Variants in PSIP1 observed in about 807,000 individuals in gnomAD.
PSIP1 encodes PC4 and SRSF1 interacting protein 1.
A neutral mutation model predicts 74.7 loss-of-function variants in PSIP1; 19 were observed. The observed-to-expected ratio is 0.25, with a 90% confidence interval of 0.18 to 0.37. The LOEUF (loss-of-function observed/expected upper bound fraction) is 0.37. PSIP1 is among the 10% of genes least tolerant of loss of function. PSIP1 has a pLI of 1.00. For missense variants in PSIP1, 601 were observed against 614.3 expected (o/e 0.98, Z 0.23); for synonymous variants, 222 against 195.3 (o/e 1.14, Z -1.14).
In PSIP1 at chr9:15,474,214, T is replaced by C. The variant is rs1350927947; in HGVS notation, c.653A>G (p.Lys218Arg). 1.2e-6 allele frequency: 2 copies of C among 1,612,484 alleles called. No homozygotes were observed. The highest frequency in any genetic ancestry group is 1.7e-6 in the Non-Finnish European group (2 of 1,179,612). ...TTGTTTTTCCTCTTGCCCCTTTTTCTTACTTTTGTCCTCTTCAGTAATGCT... is the reference window on the plus strand; with the variant it reads ...TTGTTTTTCCTCTTGCCCCTTTTTCCTACTTTTGTCCTCTTCAGTAATGCT... ...SDIITEEDKS[K>R]KKGQEEKQPK... The change falls in exon 9 of 16, where the codon AAG (lysine) becomes AGG (arginine). Residue 218 changes from lysine (K) to arginine (R), a missense_variant. By Grantham distance (26) the Lys-to-Arg change is conservative. Transcript: ENST00000380733.
At chr9:15,488,304 C>T (rs565856184) in intron 4 of PSIP1, among the ~76,000 whole-genome samples, 14 of 152,160 alleles carry the variant, frequency 9.2e-5, no homozygotes, top group Admixed American at 5.9e-4. Flanking sequence ...GCACTCCAGC[C>T]GGGGTGACAG....
At chr9:15,473,137 T>C (rs566857734) in intron 9 of PSIP1, among the ~76,000 whole-genome samples, 18 of 152,310 alleles carry the variant, frequency 1.2e-4, no homozygotes, top group African/African-American at 4.1e-4. Flanking sequence ...AACAAAAGAT[T>C]TGCATGACCT....
In PSIP1 at chr9:15,465,233, C is replaced by T. The variant is rs2035537909; in HGVS notation, c.*287G>A. The T allele has an allele frequency of 8.8e-6, 3 of 340,096 alleles. No homozygotes were observed. The South Asian group carries it at 2.1e-4, about 24-fold the overall frequency. The allele number at this position is 340,096 out of a possible 1,614,324, so 21.1% of individuals were successfully genotyped here. A position where few individuals can be genotyped will look rare whatever the true frequency, so the allele number is the denominator to read the frequency against. On this transcript the variant is annotated 3_prime_UTR_variant, in exon 16 of 16. Transcript: ENST00000380733. Reference sequence around the variant, plus strand: ...TGTTCTACTATCAATTACACATTAACATACACACACTAATTGAAAATATGC... The same window carrying T: ...TGTTCTACTATCAATTACACATTAATATACACACACTAATTGAAAATATGC...
At chr9:15,487,602 C>CA (rs1347066861) in intron 4 of PSIP1, among the ~76,000 whole-genome samples, 4 of 151,832 alleles carry the variant, frequency 2.6e-5, no homozygotes, top group East Asian at 1.9e-4. Context: ...ATGCTGTCTC[C>CA]AAAAAAACAA....
At chr9:15,505,507 G>T (rs2037545432) in intron 3 of PSIP1, 1 of 152,184 alleles carries the variant, frequency 6.6e-6, no homozygotes, top group South Asian at 2.1e-4. Context: ...ATCCAAAGTT[G>T]TATTTTTTTA....
chr9:15,496,511 G>C (rs1256138487), intron 3 of PSIP1, among the ~76,000 whole-genome samples: 1 of 152,126 alleles, frequency 6.6e-6, no homozygotes, highest in Non-Finnish European at 1.5e-5. Context: ...AAAATGTAAT[G>C]TTTACATTTA....
In PSIP1 at chr9:15,468,402, A is replaced by T. The variant is rs759481201; in HGVS notation, c.1420+228T>A. On this transcript the variant is annotated intron_variant, in intron 14 of 15. Transcript: ENST00000380733. The stretch of plus-strand genomic sequence containing the variant: ...TTTATCCAGAGTCATCTGCCTCATG[A>T]GCAATGGTTTCTGCCTTAGAAGTCG... The T allele has an allele frequency of 7.2e-6, 5 of 690,480 alleles. No homozygotes were observed. The East Asian group carries it at 1.1e-4, about 15-fold the overall frequency. 42.8% of individuals were successfully genotyped at this position (690,480 alleles called of 1,614,324 possible).
chr9:15,479,448 T>C (rs563748221), intron 7 of PSIP1, 143 bp downstream of exon 7: 139 of 550,834 alleles, frequency 2.5e-4, no homozygotes, highest in African/African-American at 2.1e-3. Flanking sequence ...GCACAAATCA[T>C]GTTTATCTCC....
At position 15,479,514 on chromosome 9, in the gene PSIP1, T is replaced by C. The variant is rs372055853; in HGVS notation, c.553+77A>G. The C allele has an allele frequency of 1.8e-5, 21 of 1,146,320 alleles. No homozygotes were observed. In the East Asian group the frequency reaches 4.0e-4, roughly 22 times the overall value. The allele number at this position is 1,146,320 out of a possible 1,614,324, so 71.0% of individuals were successfully genotyped here. A position where few individuals can be genotyped will look rare whatever the true frequency, so the allele number is the denominator to read the frequency against. On this transcript the variant is annotated intron_variant, in intron 7 of 15. Coordinates refer to ENST00000380733, the MANE Select transcript of PSIP1 (RefSeq NM_033222.5). The stretch of plus-strand genomic sequence containing the variant: ...TGCCTATTTGCTTCATTCCAAAATA[T>C]TTGAGGCAGCAACACTTTAAATGGA...
chr9:15,464,560 A>C lies in PSIP1; in HGVS notation c.*960T>G, dbSNP rs1237301988. 5.0e-6 allele frequency: 1 copy of C among 199,562 alleles called. No homozygotes were observed. The highest frequency in any genetic ancestry group is 1.9e-4 in the South Asian group (1 of 5,224). The allele number at this position is 199,562 out of a possible 1,614,324, so 12.4% of individuals were successfully genotyped here. Reference sequence around the variant, plus strand: ...TTTTTGGAATCTAGAAAATAAAAACAATATAGCCATGATTTCAAATAGGTG... The same window carrying C: ...TTTTTGGAATCTAGAAAATAAAAACCATATAGCCATGATTTCAAATAGGTG... On this transcript the variant is annotated 3_prime_UTR_variant, in exon 16 of 16. Coordinates refer to ENST00000380733, the MANE Select transcript of PSIP1 (RefSeq NM_033222.5).
intron 3 of PSIP1, among the ~76,000 whole-genome samples, chr9:15,495,087 TAAAGAAG>T (rs1325248504): frequency 2.0e-5 from 3 of 152,012 alleles, no homozygotes; most frequent in African/African-American, 7.2e-5. Context: ...AAAAGACAAC[TAAAGAAG>T]TTGAATCTTA....
At chr9:15,501,418 G>T (rs571901354) in intron 3 of PSIP1, among the ~76,000 whole-genome samples, 1 of 151,994 alleles carries the variant, frequency 6.6e-6, no homozygotes, top group African/African-American at 2.4e-5. Context: ...TTCAGTCACT[G>T]TTGCAGTGGG....
At chr9:15,502,601 G>A (rs561013597) in intron 3 of PSIP1, among the ~76,000 whole-genome samples, 5 of 152,140 alleles carry the variant, frequency 3.3e-5, no homozygotes, top group Admixed American at 1.3e-4. Context: ...AAGTAATTAC[G>A]CATGGACTTG....
intron 10 of PSIP1, chr9:15,471,689 A>G (rs996014528): frequency 1.0e-6 from 1 of 960,612 alleles, no homozygotes; most frequent in Non-Finnish European, 1.2e-6. Context: ...CTACTTGTAT[A>G]TCCTCCAAAC....
At chr9:15,470,767 T>C in intron 10 of PSIP1, 20 of 977,380 alleles carry the variant, frequency 2.0e-5, no homozygotes, top group Non-Finnish European at 2.3e-5. Flanking sequence ...AACAAAGGAA[T>C]GTCAAGAGAA....
At chr9:15,479,708 T>A in intron 6 of PSIP1, 21 bp from the exon 7 acceptor site, 7 of 1,595,654 alleles carry the variant, frequency 4.4e-6, no homozygotes, top group Non-Finnish European at 6.0e-6. Context: ...AAAATTTAAT[T>A]AACTTATTTA....
At chr9:15,501,448 A>C (rs1450691081) in intron 3 of PSIP1, among the ~76,000 whole-genome samples, 1 of 152,056 alleles carries the variant, frequency 6.6e-6, no homozygotes, top group Non-Finnish European at 1.5e-5. Flanking sequence ...CACGAGGAGG[A>C]GGATGTGAGC....
chr9:15,508,553 T>C (rs1188376294), intron 2 of PSIP1, among the ~76,000 whole-genome samples: 1 of 152,208 alleles, frequency 6.6e-6, no homozygotes, highest in African/African-American at 2.4e-5. Context: ...TTTTAAACAT[T>C]TCCTTTGGCT....
intron 3 of PSIP1, among the ~76,000 whole-genome samples, chr9:15,497,324 C>G (rs1315190986): frequency 9.0e-6 from 1 of 110,812 alleles, no homozygotes; most frequent in African/African-American, 6.4e-5. Context: ...TTCTATGATT[C>G]CTTTTTTTTT....
Sources: gnomAD v4.1 joint callset for allele counts (sites outside exome capture counted in the v4.1 genomes callset) on GRCh38, gnomAD v4.1.1 for gene constraint, MANE v1.5 for transcripts, NCBI Gene and HGNC (gene_info 2026-07-23, HGNC 2026-07-21) for gene names.